ARHGAP15: variants seen among roughly 807,000 people sequenced by gnomAD.
ARHGAP15 encodes Rho GTPase activating protein 15, also known as rho GTPase-activating protein 15.
A neutral mutation model predicts 63.7 loss-of-function variants in ARHGAP15; 51 were observed. That is an observed-to-expected ratio of 0.80 (90% CI 0.64 to 1.01). The LOEUF is 1.01. Ranked by LOEUF, ARHGAP15 falls within the 50% of genes least tolerant of loss-of-function variation. ARHGAP15 has a pLI of 0.00. For missense variants in ARHGAP15, 560 were observed against 564.6 expected (o/e 0.99, Z 0.08); for synonymous variants, 191 against 193.8 (o/e 0.99, Z 0.12).
intron 6 of ARHGAP15, among the ~76,000 whole-genome samples, chr2:143,379,489 G>A (rs200106646): frequency 0.18 from 8,685 of 47,882 alleles, 261 homozygotes; most frequent in African/African-American, 0.28. Context: ...GCATATATAT[G>A]TGTGTGTGTG....
intron 6 of ARHGAP15, among the ~76,000 whole-genome samples, chr2:143,341,610 C>T (rs1157109207): frequency 1.3e-5 from 2 of 152,092 alleles, no homozygotes; most frequent in Non-Finnish European, 2.9e-5. Flanking sequence ...ACAAGGAATT[C>T]TACACCAAAT....
At chr2:143,177,183 T>C (rs951071137) in intron 2 of ARHGAP15, among the ~76,000 whole-genome samples, 1 of 152,252 alleles carries the variant, frequency 6.6e-6, no homozygotes, top group African/African-American at 2.4e-5. Context: ...TCTCTATCTG[T>C]GCACCTTTGC....
intron 9 of ARHGAP15, among the ~76,000 whole-genome samples, chr2:143,489,831 T>A (rs534532656): frequency 1.3e-5 from 2 of 152,280 alleles, no homozygotes; most frequent in Non-Finnish European, 2.9e-5. Flanking sequence ...GGCCAGATAA[T>A]CTATATCATA....
chr2:143,236,786 T>G (rs1693671098), intron 5 of ARHGAP15: 1 of 152,192 alleles, frequency 6.6e-6, no homozygotes, highest in Non-Finnish European at 1.5e-5. Flanking sequence ...TTGTTGTTTA[T>G]TTTACAGATG....
At chr2:143,470,862 A>ATGTGTGTG (rs925665310) in intron 8 of ARHGAP15, among the ~76,000 whole-genome samples, 16 of 148,758 alleles carry the variant, frequency 1.1e-4, no homozygotes, top group Non-Finnish European at 2.4e-4. Context: ...ACGTATATTT[A>ATGTGTGTG]TGTGTGTGTG....
intron 4 of ARHGAP15, among the ~76,000 whole-genome samples, chr2:143,219,269 C>T (rs1692891855): frequency 6.6e-6 from 1 of 152,168 alleles, no homozygotes; most frequent in Non-Finnish European, 1.5e-5. Flanking sequence ...ACATGCTGTA[C>T]AGGTTTGTAG....
intron 6 of ARHGAP15, among the ~76,000 whole-genome samples, chr2:143,398,401 T>G (rs1436568894): frequency 6.6e-6 from 1 of 152,086 alleles, no homozygotes; most frequent in Non-Finnish European, 1.5e-5. Flanking sequence ...AACCTGTATT[T>G]CCATCTGCAG....
chr2:143,272,601 C>T (rs139211419), intron 6 of ARHGAP15, among the ~76,000 whole-genome samples: 397 of 152,060 alleles, frequency 2.6e-3, no homozygotes, highest in African/African-American at 8.7e-3. Context: ...TGCAGTGAGC[C>T]GAAATTGCGC....
At chr2:143,730,710 G>A (rs1447283861) in intron 13 of ARHGAP15, among the ~76,000 whole-genome samples, 4 of 151,984 alleles carry the variant, frequency 2.6e-5, no homozygotes, top group Non-Finnish European at 4.4e-5. Context: ...GATTTCACAC[G>A]TTTATATTCC....
chr2:143,182,187 T>G (rs1691263985), intron 2 of ARHGAP15, among the ~76,000 whole-genome samples: 1 of 152,144 alleles, frequency 6.6e-6, no homozygotes, highest in Non-Finnish European at 1.5e-5. Flanking sequence ...GGTCTCAAAC[T>G]CCTGACCTTG....
Position 143,487,383 on chromosome 2 carries a change from G to A in ARHGAP15, c.714G>A (p.Leu238=), listed in dbSNP as rs1344978567. Residue 238 remains leucine, a synonymous_variant, in exon 9 of 14, where the codon CTG becomes CTA. Coordinates refer to ENST00000295095, the MANE Select transcript of ARHGAP15 (RefSeq NM_018460.4). ...TTTTTAAATCTTCAGTGTTCAGACTGCATCACAGTGCTTCCGATACAAGCG... is the reference window on the plus strand; with the variant it reads ...TTTTTAAATCTTCAGTGTTCAGACTACATCACAGTGCTTCCGATACAAGCG... ...PEHRKSLMFR[L]HHSASDTSDK... 3.7e-6 allele frequency: 6 copies of A among 1,612,932 alleles called. No individual in the cohort carries two copies. The highest frequency in any genetic ancestry group is 2.7e-5 in the African/African-American group (2 of 74,818).
intron 8 of ARHGAP15, among the ~76,000 whole-genome samples, chr2:143,464,209 G>GA (rs1388130996): frequency 1.3e-5 from 2 of 152,108 alleles, no homozygotes; most frequent in African/African-American, 4.8e-5. Flanking sequence ...TAGAGTCTCG[G>GA]AAAAAATAGG....
chr2:143,181,860 C>T (rs555933719), intron 2 of ARHGAP15, among the ~76,000 whole-genome samples: 3 of 152,252 alleles, frequency 2.0e-5, no homozygotes, highest in South Asian at 2.1e-4. Flanking sequence ...GCATTCACAA[C>T]TTGACTGGCA....
chr2:143,716,392 C>A (rs1030246814), intron 13 of ARHGAP15, among the ~76,000 whole-genome samples: 23 of 152,158 alleles, frequency 1.5e-4, no homozygotes, highest in African/African-American at 5.6e-4. Context: ...GGATTAGTAG[C>A]AGATCTTGAA....
intron 13 of ARHGAP15, among the ~76,000 whole-genome samples, chr2:143,736,017 A>G (rs1319982968): frequency 1.3e-5 from 2 of 152,202 alleles, no homozygotes. Context: ...TGTAACACTC[A>G]TGAGCACATG....
chr2:143,682,300 AGAT>A (rs1487884078), intron 12 of ARHGAP15, among the ~76,000 whole-genome samples: 1 of 36,832 alleles, frequency 2.7e-5, no homozygotes, highest in African/African-American at 3.7e-5. Context: ...GCAAATAAGG[AGAT>A]TTTTTTTTTT....
At chr2:143,292,172 C>A (rs1682433024) in intron 6 of ARHGAP15, among the ~76,000 whole-genome samples, 3 of 152,008 alleles carry the variant, frequency 2.0e-5, no homozygotes, top group Admixed American at 2.0e-4. Context: ...TTTGCAATGA[C>A]TATTAAATTT....
At chr2:143,742,709 T>C (rs1341937607) in intron 13 of ARHGAP15, among the ~76,000 whole-genome samples, 5 of 152,180 alleles carry the variant, frequency 3.3e-5, no homozygotes, top group African/African-American at 1.2e-4. Flanking sequence ...TAGCCTCAGT[T>C]TCCTTTATTC....
At chr2:143,257,974 A>G (rs1680511085) in intron 6 of ARHGAP15, among the ~76,000 whole-genome samples, 1 of 152,150 alleles carries the variant, frequency 6.6e-6, no homozygotes. Context: ...TTATTTTTAA[A>G]GAGAGCAGCC....
Sources: gnomAD v4.1 joint callset for allele counts (sites outside exome capture counted in the v4.1 genomes callset) on GRCh38, gnomAD v4.1.1 for gene constraint, MANE v1.5 for transcripts, NCBI Gene and HGNC (gene_info 2026-07-23, HGNC 2026-07-21) for gene names.